The following C6 variants were observed in gnomAD, a reference collection of about 807,000 sequenced individuals.
The protein encoded by C6 is complement C6.
In C6, 101 loss-of-function variants were observed where a neutral mutation model predicts 112.9. That is an observed-to-expected ratio of 0.89 (90% CI 0.76 to 1.06). The LOEUF (loss-of-function observed/expected upper bound fraction) is 1.06, where lower values mean the gene tolerates loss of function less well. C6 is among the 50% of genes least tolerant of loss of function. C6 has a pLI of 0.00. For synonymous variants in C6, 431 were observed against 384.1 expected (o/e 1.12, Z -1.43); for missense variants, 1,202 against 1,104.6 (o/e 1.09, Z -1.25).
intron 1 of C6, among the ~76,000 whole-genome samples, chr5:41,205,916 C>T (rs933975842): frequency 6.6e-6 from 1 of 152,220 alleles, no homozygotes; most frequent in Non-Finnish European, 1.5e-5. Context: ...GACAGACTGC[C>T]TCCTCAAGTG....
At chr5:41,190,184 C>G (rs115188778) in intron 5 of C6, among the ~76,000 whole-genome samples, 2,328 of 152,246 alleles carry the variant, frequency 0.015, 53 homozygotes, top group African/African-American at 0.053. Context: ...TGAGGAATCT[C>G]CATACTGGTC....
intron 8 of C6, among the ~76,000 whole-genome samples, chr5:41,175,930 C>G (rs1748803622): frequency 6.6e-6 from 1 of 152,148 alleles, no homozygotes; most frequent in South Asian, 2.1e-4. Flanking sequence ...GTTTCATCAC[C>G]AGTAAGTGCT....
chr5:41,241,308 T>C (rs894987868), intron 1 of C6, among the ~76,000 whole-genome samples: 1 of 152,182 alleles, frequency 6.6e-6, no homozygotes, highest in Non-Finnish European at 1.5e-5. Context: ...ACAGCAGTGG[T>C]AGTGGGTGGG....
chr5:41,238,811 G>A (rs1740501043), intron 1 of C6, among the ~76,000 whole-genome samples: 1 of 152,216 alleles, frequency 6.6e-6, no homozygotes, highest in South Asian at 2.1e-4. Context: ...TGGTAAAAAT[G>A]TATTAAAATT....
intron 5 of C6, among the ~76,000 whole-genome samples, chr5:41,193,996 G>T (rs1750419799): frequency 6.6e-6 from 1 of 152,072 alleles, no homozygotes; most frequent in Non-Finnish European, 1.5e-5. Flanking sequence ...CAACAGCTCT[G>T]GTTGGCAGAG....
At chr5:41,146,353 G>A (rs1745825135) in intron 17 of C6, among the ~76,000 whole-genome samples, 1 of 152,134 alleles carries the variant, frequency 6.6e-6, no homozygotes, top group Admixed American at 6.5e-5. Flanking sequence ...AAGGAAAAGA[G>A]TAGCTAAGAG....
chr5:41,159,998 C>T (rs1747319656), intron 11 of C6, 144 bp downstream of exon 11: 2 of 705,412 alleles, frequency 2.8e-6, no homozygotes, highest in Admixed American at 4.3e-5. Context: ...CTGAGACTCA[C>T]ACTTTTTGCA....
intron 1 of C6, among the ~76,000 whole-genome samples, chr5:41,252,973 C>G (rs1449229693): frequency 6.6e-6 from 1 of 152,160 alleles, no homozygotes; most frequent in African/African-American, 2.4e-5. Flanking sequence ...CCACCTTGGG[C>G]ACATGTTCTA....
chr5:41,247,275 CT>C (rs762205180), intron 1 of C6, among the ~76,000 whole-genome samples: 78 of 152,006 alleles, frequency 5.1e-4, no homozygotes, highest in Non-Finnish European at 6.6e-4. Context: ...CAATATGATC[CT>C]ATATCTAGAA....
chr5:41,213,631 GAT>G, upstream of C6: 2 of 795,630 alleles, frequency 2.5e-6, no homozygotes, highest in Non-Finnish European at 3.0e-6. Flanking sequence ...CTGGGTGTTG[GAT>G]GTTACACAGA....
At chr5:41,219,838 G>A (rs10071904) in intron 1 of C6, among the ~76,000 whole-genome samples, 27,409 of 152,092 alleles carry the variant, frequency 0.18, 2,532 homozygotes, top group Admixed American at 0.26. Flanking sequence ...CCAGGAGAAA[G>A]GTTGTCTCAG....
At chr5:41,204,922 G>T (rs937976016) in intron 1 of C6, among the ~76,000 whole-genome samples, 2 of 151,996 alleles carry the variant, frequency 1.3e-5, no homozygotes, top group African/African-American at 4.8e-5. Flanking sequence ...GCCCACCTCG[G>T]CCTCCCAAAG....
At chr5:41,146,974 G>T (rs936477212) in intron 17 of C6, among the ~76,000 whole-genome samples, 9 of 151,986 alleles carry the variant, frequency 5.9e-5, no homozygotes, top group African/African-American at 2.2e-4. Context: ...GCTTCTCTAT[G>T]ATAAATAAGG....
chr5:41,149,883 C>T lies in C6; in HGVS notation c.2381+52G>A. 3 of 1,214,808 alleles carry T rather than the reference C, an allele frequency of 2.5e-6. No homozygotes were observed. The South Asian group carries it at 3.6e-5, about 15-fold the overall frequency. 75.3% of individuals were successfully genotyped at this position (1,214,808 alleles called of 1,614,324 possible). On this transcript the variant is annotated intron_variant, in intron 16 of 17. Coordinates refer to ENST00000337836, the MANE Select transcript of C6 (RefSeq NM_000065.5). Reference sequence around the variant, plus strand: ...CTCAGCTCTTCCATCAAATTGGTTACACTAGACTGGTTTTCCCAATTTCCA... The same window carrying T: ...CTCAGCTCTTCCATCAAATTGGTTATACTAGACTGGTTTTCCCAATTTCCA...
intron 1 of C6, among the ~76,000 whole-genome samples, chr5:41,231,161 T>A (rs1044616756): frequency 6.6e-6 from 1 of 152,158 alleles, no homozygotes. Flanking sequence ...TTTATCCACT[T>A]AGCTACTCTT....
intron 8 of C6, among the ~76,000 whole-genome samples, chr5:41,174,742 C>T (rs944397983): frequency 2.6e-4 from 39 of 152,016 alleles, no homozygotes; most frequent in African/African-American, 9.2e-4. Flanking sequence ...CAAAAATTAA[C>T]AACAGGGGAT....
chr5:41,158,473 T>A lies in C6; in HGVS notation c.1968+201A>T, dbSNP rs117221985. 9.9e-4 allele frequency among the ~76,000 whole-genome samples: 151 copies of A among 152,288 alleles called. 5 individuals are homozygous for A. In the East Asian group the frequency reaches 0.027, roughly 27 times the overall value. On this transcript the variant is annotated intron_variant, in intron 13 of 17. Transcript: ENST00000337836. ...AGAAACCCAAGCAATCTGCTATACTTTAGTCTAACAACTGGCTATGAAGAC... is the reference window on the plus strand; with the variant it reads ...AGAAACCCAAGCAATCTGCTATACTATAGTCTAACAACTGGCTATGAAGAC...
chr5:41,195,932 G>C lies in C6; in HGVS notation c.447C>G (p.Gly149=). Residue 149 remains glycine, a splice_region_variant and synonymous_variant, in exon 5 of 18, where the codon GGC becomes GGG. Coordinates refer to ENST00000337836, the MANE Select transcript of C6 (RefSeq NM_000065.5). ...DCKNKFRCDS[G]RCIARKLECN... ...ATTCTAACTTTCTGGCAATGCAGCGGCCTAGTCAAGAAAAGCAAACAAAAT... is the reference window on the plus strand; with the variant it reads ...ATTCTAACTTTCTGGCAATGCAGCGCCCTAGTCAAGAAAAGCAAACAAAAT... 6.2e-7 allele frequency: 1 copy of C among 1,613,658 alleles called. No individual in the cohort carries two copies. The highest frequency in any genetic ancestry group is 8.5e-7 in the Non-Finnish European group (1 of 1,179,840).
intron 16 of C6, 38 bp downstream of exon 16, chr5:41,149,897 T>A: frequency 7.1e-7 from 1 of 1,412,802 alleles, no homozygotes. Flanking sequence ...AGACTGGTTT[T>A]CCCAATTTCC....
Sources: gnomAD v4.1 joint callset for allele counts (sites outside exome capture counted in the v4.1 genomes callset) on GRCh38, gnomAD v4.1.1 for gene constraint, MANE v1.5 for transcripts, NCBI Gene and HGNC (gene_info 2026-07-23, HGNC 2026-07-21) for gene names.